The following UVRAG variants were observed in gnomAD, a reference collection of about 807,000 sequenced individuals.
UVRAG encodes UV radiation resistance associated.
A neutral mutation model predicts 78.0 loss-of-function variants in UVRAG; 19 were observed. The observed-to-expected ratio is 0.24, with a 90% CI of 0.17 to 0.36. The LOEUF (loss-of-function observed/expected upper bound fraction) is 0.36, where lower values mean the gene tolerates loss of function less well. UVRAG is among the 10% of genes least tolerant of loss of function. The pLI, the probability that UVRAG is intolerant of heterozygous loss-of-function variation, is 1.00. For synonymous variants in UVRAG, 323 were observed against 324.6 expected (o/e 1.00, Z 0.05); for missense variants, 740 against 853.8 (o/e 0.87, Z 1.66).
Position 76,140,921 on chromosome 11 carries a change from C to A in UVRAG, c.1608C>A (p.Ser536=), listed in dbSNP as rs751854285. The part of the protein sequence containing the change: ...ALAQPVTTVP[S]MGETERKITS... ...CCCAGCCTGTGACCACCGTCCCCTC[C>A]ATGGGAGAGACCGAGAGAAAGATAA... The change falls in exon 15 of 15, where the codon TCC becomes TCA. Residue 536 remains serine (S), a synonymous_variant. Coordinates refer to ENST00000356136, the MANE Select transcript of UVRAG (RefSeq NM_003369.4). 1.2e-6 allele frequency: 2 copies of A among 1,614,076 alleles called. No homozygotes were observed. The highest frequency in any genetic ancestry group is 8.5e-7 in the Non-Finnish European group (1 of 1,180,044).
intron 4 of UVRAG, among the ~76,000 whole-genome samples, chr11:75,881,588 G>T (rs1456488109): frequency 6.6e-6 from 1 of 152,182 alleles, no homozygotes; most frequent in Admixed American, 6.5e-5. Flanking sequence ...GGGGGCCCAA[G>T]ATGTTTTCCT....
intron 12 of UVRAG, among the ~76,000 whole-genome samples, chr11:76,064,738 C>T (rs1951155983): frequency 6.6e-6 from 1 of 152,028 alleles, no homozygotes. Flanking sequence ...ATCCTCTAGG[C>T]TTTATGGAAT....
intron 12 of UVRAG, among the ~76,000 whole-genome samples, chr11:76,052,220 A>T (rs1220962542): frequency 6.6e-6 from 1 of 152,202 alleles, no homozygotes; most frequent in Non-Finnish European, 1.5e-5. Context: ...TACCTGGCAC[A>T]TAGTATGAGT....
chr11:76,077,438 G>A (rs1400007517), intron 13 of UVRAG, among the ~76,000 whole-genome samples: 2 of 152,030 alleles, frequency 1.3e-5, no homozygotes, highest in Admixed American at 1.3e-4. Flanking sequence ...AGTGTAAATT[G>A]ATAAAACTTT....
intron 6 of UVRAG, among the ~76,000 whole-genome samples, chr11:75,932,273 A>G (rs992559254): frequency 1.3e-5 from 2 of 149,188 alleles, no homozygotes; most frequent in African/African-American, 5.0e-5. Context: ...ATCTTTATTT[A>G]TTTATTTATT....
chr11:76,135,877 C>T (rs976542498), intron 14 of UVRAG, among the ~76,000 whole-genome samples: 7 of 152,218 alleles, frequency 4.6e-5, no homozygotes, highest in African/African-American at 1.4e-4. Context: ...TATGTCCACT[C>T]CTCCCAAAAC....
intron 11 of UVRAG, among the ~76,000 whole-genome samples, chr11:76,014,467 C>T (rs1443008603): frequency 2.6e-5 from 4 of 152,180 alleles, no homozygotes; most frequent in Non-Finnish European, 4.4e-5. Flanking sequence ...TCATCTTCTT[C>T]CTCTTCCCCT....
intron 8 of UVRAG, among the ~76,000 whole-genome samples, chr11:75,986,454 A>G (rs974203832): frequency 2.6e-4 from 39 of 152,154 alleles, no homozygotes; most frequent in African/African-American, 9.2e-4. Context: ...GTAATTGTTA[A>G]TGTTACAGTT....
chr11:75,880,431 C>T (rs1158343073), intron 4 of UVRAG, among the ~76,000 whole-genome samples: 4 of 152,146 alleles, frequency 2.6e-5, no homozygotes, highest in East Asian at 1.9e-4. Context: ...TGACCAGTAG[C>T]GTTATTCCAG....
intron 13 of UVRAG, among the ~76,000 whole-genome samples, chr11:76,083,696 AT>A (rs1951538365): frequency 6.6e-6 from 1 of 151,830 alleles, no homozygotes; most frequent in Non-Finnish European, 1.5e-5. Flanking sequence ...AAGCCAAAAA[AT>A]TTTTTTTTAG....
intron 13 of UVRAG, among the ~76,000 whole-genome samples, chr11:76,115,165 C>T (rs769715991): frequency 6.6e-6 from 1 of 152,020 alleles, no homozygotes; most frequent in Non-Finnish European, 1.5e-5. Flanking sequence ...AAGAACAGAC[C>T]GATGAAAACC....
At chr11:75,930,042 A>G (rs1362902881) in intron 6 of UVRAG, among the ~76,000 whole-genome samples, 1 of 152,182 alleles carries the variant, frequency 6.6e-6, no homozygotes, top group East Asian at 1.9e-4. Flanking sequence ...TTATCTCCTC[A>G]ATACTAGTCA....
intron 12 of UVRAG, among the ~76,000 whole-genome samples, chr11:76,026,568 T>C (rs1443544766): frequency 6.6e-6 from 1 of 152,162 alleles, no homozygotes; most frequent in African/African-American, 2.4e-5. Context: ...CTCTCTTCTG[T>C]GTATCCTATA....
chr11:75,894,516 AAAT>A (rs1026568199), intron 5 of UVRAG, among the ~76,000 whole-genome samples: 3 of 152,106 alleles, frequency 2.0e-5, no homozygotes, highest in Non-Finnish European at 4.4e-5. Flanking sequence ...TTGCTAGAAA[AAAT>A]TTTGGTCAAG....
In UVRAG at chr11:75,983,371, G is replaced by A. The variant is rs779128889; in HGVS notation, c.700-16G>A. 6.4e-7 allele frequency: 1 copy of A among 1,569,250 alleles called. No homozygotes were observed. Among genetic ancestry groups the A allele is most frequent in the South Asian group, 1.2e-5 (1 of 84,720 alleles). ...CATTTATATTCATAAATATACCTGT[G>A]ATTTTATTTATTTAGAAAAAAAAAA... is the stretch of plus-strand genomic sequence containing the variant. On this transcript the variant is annotated splice_polypyrimidine_tract_variant and intron_variant, in intron 7 of 14. Transcript: ENST00000356136.
intron 8 of UVRAG, among the ~76,000 whole-genome samples, chr11:75,999,166 G>A (rs1222516848): frequency 2.0e-5 from 3 of 150,652 alleles, no homozygotes; most frequent in Non-Finnish European, 4.4e-5. Context: ...CCAGGAGGCA[G>A]AGGTTGCAGT....
intron 5 of UVRAG, among the ~76,000 whole-genome samples, chr11:75,909,269 C>T (rs186878936): frequency 6.6e-6 from 1 of 152,006 alleles, no homozygotes; most frequent in East Asian, 1.9e-4. Flanking sequence ...GTCTCACGAA[C>T]CCAGGAGTTC....
At chr11:76,083,321 CCTT>C (rs1200697405) in intron 13 of UVRAG, among the ~76,000 whole-genome samples, 4 of 151,204 alleles carry the variant, frequency 2.6e-5, no homozygotes, top group Middle Eastern at 3.4e-3. Flanking sequence ...TTTTTTTTCT[CCTT>C]CATGTTATAA....
chr11:76,001,052 C>G (rs1949804416), intron 8 of UVRAG, among the ~76,000 whole-genome samples: 1 of 152,280 alleles, frequency 6.6e-6, no homozygotes. Flanking sequence ...ATCTGCATTT[C>G]TTTCAAGTAT....
Sources: gnomAD v4.1 joint callset for allele counts (sites outside exome capture counted in the v4.1 genomes callset) on GRCh38, gnomAD v4.1.1 for gene constraint, MANE v1.5 for transcripts, NCBI Gene and HGNC (gene_info 2026-07-23, HGNC 2026-07-21) for gene names.